SRBD1: variants seen among roughly 807,000 people sequenced by gnomAD.
SRBD1 encodes S1 RNA-binding domain-containing protein 1.
Under a neutral mutation model 115.3 loss-of-function variants are expected in SRBD1, and 88 were observed. The observed-to-expected ratio is 0.76, with a 90% confidence interval of 0.64 to 0.91. The LOEUF (loss-of-function observed/expected upper bound fraction) is 0.91, where lower values mean the gene tolerates loss of function less well. Among genes scored for constraint, SRBD1 ranks in the 40% least tolerant of loss-of-function variants. SRBD1 has a pLI of 0.00. For synonymous variants in SRBD1, 509 were observed against 407.7 expected, an observed-to-expected ratio of 1.25 and a Z score of -2.99; for missense variants, 1,385 against 1,177.4, an observed-to-expected ratio of 1.18 and a Z score of -2.58.
chr2:45,580,170 G>C lies in SRBD1; in HGVS notation c.934-157C>G, dbSNP rs546370099. Among the ~76,000 whole-genome samples, 20 of 152,190 alleles carry C rather than the reference G, an allele frequency of 1.3e-4. No homozygotes were observed. In the East Asian group the frequency reaches 3.3e-3, roughly 25 times the overall value. On this transcript the variant is annotated intron_variant, in intron 6 of 20. Coordinates refer to ENST00000263736, the MANE Select transcript of SRBD1 (RefSeq NM_018079.5). ...GATGAATTAAAACTAATTTGAAAAT[G>C]CTTTACTGTATGAAGATGGTATGTG...
At chr2:45,592,076 T>C (rs1382947985) in intron 4 of SRBD1, among the ~76,000 whole-genome samples, 2 of 152,160 alleles carry the variant, frequency 1.3e-5, no homozygotes, top group African/African-American at 2.4e-5. Context: ...CCAGATCTGA[T>C]GGGTTTATCA....
In SRBD1 at chr2:45,581,779, G is replaced by A; in HGVS notation, c.847C>T (p.Gln283Ter). ...ATCTTCCCTTCCTTCTTAATTTTCTGGATTGTACTATGAACTTTCTTTGCA... is the reference window on the plus strand; with the variant it reads ...ATCTTCCCTTCCTTCTTAATTTTCTAGATTGTACTATGAACTTTCTTTGCA... ...AVAKKVHSTI[Q>*]KIKKEGKMSE... Residue 283 changes from glutamine to a stop codon, truncating the protein, a stop_gained, in exon 6 of 21, where the codon CAG becomes TAG. Coordinates refer to ENST00000263736, the MANE Select transcript of SRBD1 (RefSeq NM_018079.5). LOFTEE classifies it high-confidence loss of function. 6.2e-7 allele frequency: 1 copy of A among 1,613,346 alleles called. No homozygotes were observed. The highest frequency in any genetic ancestry group is 8.5e-7 in the Non-Finnish European group (1 of 1,179,704).
At chr2:45,563,057 G>T (rs1201854554) in intron 9 of SRBD1, among the ~76,000 whole-genome samples, 3 of 152,082 alleles carry the variant, frequency 2.0e-5, no homozygotes, top group African/African-American at 7.2e-5. Context: ...TGATTATCTG[G>T]AGTTGGAAGG....
intron 1 of SRBD1, among the ~76,000 whole-genome samples, chr2:45,610,275 T>C (rs1163988902): frequency 6.6e-6 from 1 of 151,844 alleles, no homozygotes; most frequent in Non-Finnish European, 1.5e-5. Context: ...TAAATTAAAA[T>C]TGGAAAAAAA....
intron 14 of SRBD1, among the ~76,000 whole-genome samples, chr2:45,493,290 A>T (rs1670354512): frequency 6.6e-6 from 1 of 152,232 alleles, no homozygotes; most frequent in African/African-American, 2.4e-5. Context: ...AATTATTTGC[A>T]TATGAGATAA....
chr2:45,532,363 T>A (rs550947771), intron 14 of SRBD1, among the ~76,000 whole-genome samples: 2 of 151,854 alleles, frequency 1.3e-5, no homozygotes, highest in African/African-American at 2.4e-5. Context: ...CTATCTTTCA[T>A]GTACCTCTTT....
At chr2:45,413,365 G>C in intron 18 of SRBD1, 72 bp from the exon 19 acceptor site, 1 of 1,517,738 alleles carries the variant, frequency 6.6e-7, no homozygotes, top group Non-Finnish European at 8.9e-7. Flanking sequence ...AAATTAAAAT[G>C]TGCTTACTTC....
At chr2:45,419,059 G>A (rs1044517086) in intron 17 of SRBD1, among the ~76,000 whole-genome samples, 3 of 152,090 alleles carry the variant, frequency 2.0e-5, no homozygotes, top group Admixed American at 2.0e-4. Context: ...TATATCATTA[G>A]GTAGTTTGCT....
chr2:45,414,518 G>C (rs1667709580), intron 18 of SRBD1, among the ~76,000 whole-genome samples: 1 of 148,894 alleles, frequency 6.7e-6, no homozygotes, highest in Non-Finnish European at 1.5e-5. Context: ...TACACACATA[G>C]TGTGTATATA....
intron 14 of SRBD1, among the ~76,000 whole-genome samples, chr2:45,528,954 C>T (rs1671532915): frequency 6.6e-6 from 1 of 151,938 alleles, no homozygotes; most frequent in Non-Finnish European, 1.5e-5. Context: ...AAATCTTTGA[C>T]TCTACCATGC....
intron 14 of SRBD1, among the ~76,000 whole-genome samples, chr2:45,529,246 G>C (rs1312460274): frequency 6.6e-6 from 1 of 151,778 alleles, no homozygotes; most frequent in African/African-American, 2.4e-5. Flanking sequence ...CAATAAGACA[G>C]ATACATTTTA....
At chr2:45,497,666 A>C (rs917338970) in intron 14 of SRBD1, among the ~76,000 whole-genome samples, 2 of 152,194 alleles carry the variant, frequency 1.3e-5, no homozygotes, top group Non-Finnish European at 2.9e-5. Context: ...ACCCATGTTA[A>C]GTGAATATAA....
chr2:45,601,159 T>C (rs1674079878), intron 3 of SRBD1, among the ~76,000 whole-genome samples: 1 of 152,190 alleles, frequency 6.6e-6, no homozygotes, highest in South Asian at 2.1e-4. Context: ...AACATTCAAT[T>C]GTGATTGTGA....
intron 2 of SRBD1, among the ~76,000 whole-genome samples, chr2:45,603,316 G>T (rs1218576916): frequency 6.6e-6 from 1 of 152,148 alleles, no homozygotes; most frequent in Admixed American, 6.5e-5. Context: ...GCTCTCAGGA[G>T]CATCTGGCAC....
At chr2:45,546,077 A>C in intron 14 of SRBD1, 1 of 783,834 alleles carries the variant, frequency 1.3e-6, no homozygotes, top group Non-Finnish European at 1.5e-6. Context: ...TTAGGACTTA[A>C]TATTCTACTA....
intron 16 of SRBD1, among the ~76,000 whole-genome samples, chr2:45,454,048 CAA>C (rs1274315927): frequency 6.6e-6 from 1 of 151,916 alleles, no homozygotes; most frequent in Non-Finnish European, 1.5e-5. Flanking sequence ...AAGACAGCCT[CAA>C]ACTATGAATG....
intron 16 of SRBD1, among the ~76,000 whole-genome samples, chr2:45,434,129 G>C (rs150392938): frequency 1.4e-3 from 209 of 152,338 alleles, no homozygotes; most frequent in African/African-American, 4.8e-3. Context: ...TTAAGCATCA[G>C]ATTTGCATGA....
At chr2:45,471,569 A>T (rs902079195) in intron 16 of SRBD1, among the ~76,000 whole-genome samples, 7 of 152,172 alleles carry the variant, frequency 4.6e-5, no homozygotes, top group Non-Finnish European at 7.4e-5. Flanking sequence ...TTACAAGTGC[A>T]TTTTAATAGG....
At chr2:45,579,338 C>T (rs1268203332) in intron 7 of SRBD1, among the ~76,000 whole-genome samples, 4 of 152,112 alleles carry the variant, frequency 2.6e-5, no homozygotes, top group Non-Finnish European at 5.9e-5. Context: ...CTTTACACTT[C>T]CTGGATGTCA....
Sources: allele counts gnomAD v4.1 joint callset (sites outside exome capture counted in the v4.1 genomes callset), GRCh38; gene constraint gnomAD v4.1.1; transcripts MANE v1.5; gene names NCBI Gene and HGNC (gene_info 2026-07-23, HGNC 2026-07-21).